STK32B: variants seen among roughly 807,000 people sequenced by gnomAD.
STK32B encodes serine/threonine-protein kinase 32B.
STK32B carries 43 observed loss-of-function variants against 52.6 expected under a neutral mutation model. The ratio of observed to expected loss-of-function variants is 0.82; its 90% CI spans 0.64 to 1.05. The LOEUF is 1.05. STK32B is among the 50% of genes least tolerant of loss of function. STK32B has a pLI of 0.00. For missense variants in STK32B, 621 were observed against 534.6 expected, an observed-to-expected ratio of 1.16 and a Z score of -1.59; for synonymous variants, 238 against 204.3, an observed-to-expected ratio of 1.17 and a Z score of -1.41.
At chr4:5,384,588 G>T (rs1736129469) in intron 4 of STK32B, among the ~76,000 whole-genome samples, 1 of 152,148 alleles carries the variant, frequency 6.6e-6, no homozygotes, top group South Asian at 2.1e-4. Context: ...AGCTGGGTGG[G>T]CGCAGTGCGG....
At chr4:5,128,846 C>T (rs1715574999) in intron 1 of STK32B, among the ~76,000 whole-genome samples, 1 of 152,192 alleles carries the variant, frequency 6.6e-6, no homozygotes, top group Non-Finnish European at 1.5e-5. Context: ...AAGCTGTGTG[C>T]AGACTGCTCT....
At chr4:5,445,250 G>C (rs941445384) in intron 6 of STK32B, among the ~76,000 whole-genome samples, 2 of 152,190 alleles carry the variant, frequency 1.3e-5, no homozygotes, top group African/African-American at 4.8e-5. Context: ...ATTCAAGTGT[G>C]TAGCTGCCCA....
chr4:5,031,510 G>A, the STK32B span, among the ~76,000 whole-genome samples: 1 of 151,728 alleles, frequency 6.6e-6, no homozygotes, highest in Non-Finnish European at 1.5e-5. Context: ...GAGGCGGGAG[G>A]ATCACCTGAC....
intron 1 of STK32B, among the ~76,000 whole-genome samples, chr4:5,059,647 G>T (rs61073904): frequency 1.3e-5 from 2 of 152,098 alleles, no homozygotes; most frequent in Non-Finnish European, 2.9e-5. Context: ...TAAACCGTAC[G>T]CCAATACATT....
intron 6 of STK32B, among the ~76,000 whole-genome samples, chr4:5,437,369 T>A (rs145776327): frequency 1.2e-3 from 177 of 152,370 alleles, no homozygotes; most frequent in African/African-American, 3.9e-3. Flanking sequence ...TCTTTCTGCC[T>A]CTTTGAGCTT....
intron 3 of STK32B, among the ~76,000 whole-genome samples, chr4:5,318,988 T>G (rs1731303728): frequency 6.6e-6 from 1 of 151,984 alleles, no homozygotes; most frequent in Non-Finnish European, 1.5e-5. Context: ...GTATTTTTAG[T>G]AGAGATGGGG....
intron 5 of STK32B, among the ~76,000 whole-genome samples, chr4:5,408,394 A>G (rs1244152973): frequency 6.6e-6 from 1 of 152,018 alleles, no homozygotes; most frequent in African/African-American, 2.4e-5. Context: ...TGCTCCATCC[A>G]TGTGACTTGT....
At chr4:5,337,238 C>G (rs1024068125) in intron 4 of STK32B, among the ~76,000 whole-genome samples, 1 of 151,984 alleles carries the variant, frequency 6.6e-6, no homozygotes, top group Non-Finnish European at 1.5e-5. Flanking sequence ...GTCCACCCAC[C>G]TTGGCCTCTT....
intron 4 of STK32B, among the ~76,000 whole-genome samples, chr4:5,361,097 T>C (rs998192173): frequency 1.8e-4 from 28 of 152,362 alleles, no homozygotes; most frequent in Admixed American, 1.8e-3. Flanking sequence ...TGTGACTGGC[T>C]TCTTTCACTT....
At chr4:5,050,815 CG>C (rs1741737151), upstream of STK32B, among the ~76,000 whole-genome samples, 1 of 152,154 alleles carries the variant, frequency 6.6e-6, no homozygotes, top group Admixed American at 6.5e-5. Context: ...AGGCTCCCGC[CG>C]CAGGAGCCCA....
intron 1 of STK32B, among the ~76,000 whole-genome samples, chr4:5,123,821 A>G (rs963946228): frequency 6.7e-6 from 1 of 148,324 alleles, no homozygotes; most frequent in Non-Finnish European, 1.5e-5. Flanking sequence ...GGGGGGATAC[A>G]ATTTGATCCA....
chr4:5,049,460 GAAGA>G (rs1368267099), upstream of STK32B, among the ~76,000 whole-genome samples: 1 of 152,170 alleles, frequency 6.6e-6, no homozygotes, highest in Non-Finnish European at 1.5e-5. Context: ...GAGAGTCAGC[GAAGA>G]GAGATATGGG....
rs59597621 is a variant in STK32B, at chr4:5,260,098, C to T, written c.261-71122C>T. On this transcript the variant is annotated intron_variant, in intron 3 of 11. Coordinates refer to ENST00000282908, the MANE Select transcript of STK32B (RefSeq NM_018401.3). ...ACACATACACACACACACACGCACA[C>T]GTGCACGCACACACACACGGAGCCG... Among the ~76,000 whole-genome samples, 1,056 of 152,064 alleles carry T rather than the reference C, an allele frequency of 6.9e-3. 18 individuals are homozygous for T. Among genetic ancestry groups the T allele is most frequent in the Middle Eastern group, 0.024 (7 of 294 alleles).
intron 2 of STK32B, among the ~76,000 whole-genome samples, chr4:5,164,646 G>T (rs1435614646): frequency 6.6e-6 from 1 of 152,192 alleles, no homozygotes; most frequent in Non-Finnish European, 1.5e-5. Flanking sequence ...CAGGCTGCTA[G>T]CTTTACACTG....
intron 1 of STK32B, among the ~76,000 whole-genome samples, chr4:5,131,552 G>A (rs919065476): frequency 6.6e-6 from 1 of 152,120 alleles, no homozygotes; most frequent in Non-Finnish European, 1.5e-5. Flanking sequence ...GCCAGCTCAT[G>A]ACCTCTCCTC....
chr4:5,482,099 T>A (rs561579935), intron 11 of STK32B, among the ~76,000 whole-genome samples: 2 of 152,314 alleles, frequency 1.3e-5, no homozygotes, highest in African/African-American at 4.8e-5. Context: ...AACTTTAAAG[T>A]AGTTTTTTCC....
chr4:5,399,608 G>A lies in STK32B; in HGVS notation c.472+1364G>A, dbSNP rs752588042. ...AGGCTGGAAAGGAAGCGAAAGCAAC[G>A]TCTCCAGTTTGTATCTAAAAGTCAG... On this transcript the variant is annotated intron_variant, in intron 5 of 11. Transcript: ENST00000282908. The surrounding 1 kb of genome is among the most constrained non-coding windows in gnomAD (Gnocchi z 5.4). Among the ~76,000 whole-genome samples, 11 of 152,146 alleles carry A rather than the reference G, an allele frequency of 7.2e-5. No homozygotes were observed. Among genetic ancestry groups the A allele is most frequent in the South Asian group, 2.1e-4 (1 of 4,830 alleles).
chr4:5,025,122 T>G, the STK32B span, among the ~76,000 whole-genome samples: 500 of 145,274 alleles, frequency 3.4e-3, 7 homozygotes, highest in South Asian at 0.032. Context: ...GGGGGAATCC[T>G]TGACACCCTT....
intron 3 of STK32B, among the ~76,000 whole-genome samples, chr4:5,180,652 A>T (rs1242200185): frequency 6.6e-6 from 1 of 152,198 alleles, no homozygotes; most frequent in Non-Finnish European, 1.5e-5. Flanking sequence ...TGTTGGGGTC[A>T]TAAGGACACC....
Sources: allele counts gnomAD v4.1 joint callset (sites outside exome capture counted in the v4.1 genomes callset), GRCh38; gene constraint gnomAD v4.1.1; non-coding constraint Gnocchi (gnomAD v3.1); transcripts MANE v1.5; gene names NCBI Gene and HGNC (gene_info 2026-07-23, HGNC 2026-07-21).